Variants in MUC5AC observed in about 807,000 individuals in gnomAD.
The protein encoded by MUC5AC is mucin-5AC.
A neutral mutation model predicts 169.7 loss-of-function variants in MUC5AC; 158 were observed. That is an observed-to-expected ratio of 0.93 (90% CI 0.82 to 1.06). The LOEUF is 1.06. Ranked by LOEUF, MUC5AC falls within the 50% of genes least tolerant of loss-of-function variation. The pLI is 0.00. For missense variants in MUC5AC, 4,359 were observed against 3,089.9 expected (o/e 1.41, Z -9.74); for synonymous variants, 1,975 against 1,237.0 (o/e 1.60, Z -12.52).
chr11:1,197,868 A>G (rs35700114), intron 41 of MUC5AC, 35 bp from the exon 42 acceptor site: 106,345 of 693,336 alleles, frequency 0.15, 9,696 homozygotes, highest in Non-Finnish European at 0.19. Context: ...GGGGCGGGGG[A>G]CAGACTCCTA....
rs1316423456 is a variant in MUC5AC, at chr11:1,200,925, G to C, written c.*223G>C. On this transcript the variant is annotated 3_prime_UTR_variant, in exon 49 of 49. Coordinates refer to ENST00000621226, the MANE Select transcript of MUC5AC (RefSeq NM_001304359.2). ...GCAGCCACCTCTCAGGACCAGCCCC[G>C]GGGCTGGCCGAGCTCCTCTGGCCAT... 1 of 432,726 alleles carries C rather than the reference G, an allele frequency of 2.3e-6. No individual in the cohort carries two copies. The highest frequency in any genetic ancestry group is 3.4e-5 in the East Asian group (1 of 29,148). 26.8% of individuals were successfully genotyped at this position (432,726 alleles called of 1,614,324 possible).
chr11:1,176,161 G>T lies in MUC5AC; in HGVS notation c.2412G>T (p.Ala804=). The change falls in exon 20 of 49, where the codon GCG becomes GCT. Residue 804 remains alanine, a synonymous_variant. Coordinates refer to ENST00000621226, the MANE Select transcript of MUC5AC (RefSeq NM_001304359.2). Reference sequence around the variant, plus strand: ...CCCCTCCCTCCCCAGTGTGTGCTGCGCCCATGGTGTTCTTTGACTGCCGAA... The same window carrying T: ...CCCCTCCCTCCCCAGTGTGTGCTGCTCCCATGGTGTTCTTTGACTGCCGAA... ...GGQAPAPVCA[A]PMVFFDCRNA... The T allele has an allele frequency of 2.5e-6, 1 of 398,684 alleles. No individual in the cohort carries two copies. Among genetic ancestry groups the T allele is most frequent in the Non-Finnish European group, 4.4e-6 (1 of 226,114 alleles). 24.7% of individuals were successfully genotyped at this position (398,684 alleles called of 1,614,324 possible). A position where few individuals can be genotyped will look rare whatever the true frequency, so the allele number is the denominator to read the frequency against.
chr11:1,171,775 C>T (rs1860551503), intron 15 of MUC5AC, among the ~76,000 whole-genome samples: 3 of 139,234 alleles, frequency 2.2e-5, no homozygotes, highest in Non-Finnish European at 4.7e-5. Context: ...CACTCACCCA[C>T]TCACCCATTC....
Position 1,179,113 on chromosome 11 carries a change from G to A in MUC5AC, c.3349G>A (p.Glu1117Lys), listed in dbSNP as rs960610978. 290 of 609,726 alleles carry A rather than the reference G, an allele frequency of 4.8e-4. No homozygotes were observed. The African/African-American group carries it at 5.0e-3, about 10-fold the overall frequency. The allele number at this position is 609,726 out of a possible 1,614,324, so 37.8% of individuals were successfully genotyped here. A position where few individuals can be genotyped will look rare whatever the true frequency, so the allele number is the denominator to read the frequency against. The change falls in exon 26 of 49, where the codon GAG becomes AAG. Residue 1117 changes from glutamate to lysine, a missense_variant. Glu to Lys is a moderately conservative substitution (Grantham distance 56). Transcript: ENST00000621226. ...TCAGGTGGAGCCGGCCAGGTACTACGAGGCCTGCGTGAACGACGCGTGCGC... is the reference window on the plus strand; with the variant it reads ...TCAGGTGGAGCCGGCCAGGTACTACAAGGCCTGCGTGAACGACGCGTGCGC... Reference protein sequence around the residue: ...HAHVEPARYYEACVNDACACD... With the variant: ...HAHVEPARYYKACVNDACACD...
Position 1,185,155 on chromosome 11 carries a change from C to T in MUC5AC, c.7010C>T (p.Thr2337Ile), listed in dbSNP as rs1285588391. Reference sequence around the variant, plus strand: ...ACAACCAGCACAACCTCTGCCCCTACAAGCAGCACAACCTCTGGTCCTGGA... The same window carrying T: ...ACAACCAGCACAACCTCTGCCCCTATAAGCAGCACAACCTCTGGTCCTGGA... ...APTTSTTSAPTSSTTSGPGTT... is the reference protein window; with the variant it reads ...APTTSTTSAPISSTTSGPGTT... The change falls in exon 31 of 49, where the codon ACA (threonine) becomes ATA (isoleucine). Residue 2337 changes from threonine (T) to isoleucine (I), a missense_variant. Transcript: ENST00000621226. 10 of 728,720 alleles carry T rather than the reference C, an allele frequency of 1.4e-5. No individual in the cohort carries two copies. Among genetic ancestry groups the T allele is most frequent in the Non-Finnish European group, 2.3e-5 (9 of 399,578 alleles). 45.1% of individuals were successfully genotyped at this position (728,720 alleles called of 1,614,324 possible).
intron 16 of MUC5AC, 30 bp from the exon 17 acceptor site, chr11:1,174,466 C>T: frequency 7.2e-7 from 1 of 1,382,354 alleles, no homozygotes; most frequent in Non-Finnish European, 9.9e-7. Context: ...GCTGGGGTCT[C>T]TGATGCCCCG....
chr11:1,200,071 G>T, intron 48 of MUC5AC, 102 bp downstream of exon 48: 1 of 622,848 alleles, frequency 1.6e-6, no homozygotes, highest in Non-Finnish European at 2.9e-6. Context: ...AGGACCATGA[G>T]GGGCCAGGCA....
Position 1,190,693 on chromosome 11 carries a change from C to A in MUC5AC, c.12548C>A (p.Thr4183Asn). 1 of 696,206 alleles carries A rather than the reference C, an allele frequency of 1.4e-6. No homozygotes were observed. Among genetic ancestry groups the A allele is most frequent in the South Asian group, 1.5e-5 (1 of 66,398 alleles). 43.1% of individuals were successfully genotyped at this position (696,206 alleles called of 1,614,324 possible). A position where few individuals can be genotyped will look rare whatever the true frequency, so the allele number is the denominator to read the frequency against. ...ACCAGCACAATCTCTGCCTCTACAA[C>A]CAGCACAATCTCTGCCCCTACAACC... ...PTTSTISAST[T>N]STISAPTTST... The change falls in exon 31 of 49, where the codon ACC (threonine) becomes AAC (asparagine). Residue 4183 changes from threonine (T) to asparagine (N), a missense_variant. Transcript: ENST00000621226.
At chr11:1,193,425 C>A (rs1861174676) in intron 32 of MUC5AC, 60 bp from the exon 33 acceptor site, 3 of 670,868 alleles carry the variant, frequency 4.5e-6, no homozygotes, top group Non-Finnish European at 8.2e-6. Flanking sequence ...ACCCCGAGAA[C>A]CAAGGGGTGC....
At chr11:1,158,959 C>T (rs571526607) in intron 1 of MUC5AC, among the ~76,000 whole-genome samples, 89 of 152,364 alleles carry the variant, frequency 5.8e-4, no homozygotes, top group Non-Finnish European at 1.1e-3. Flanking sequence ...CGCCGTCCCT[C>T]GTCTGTACCA....
Position 1,179,152 on chromosome 11 carries a change from G to A in MUC5AC, c.3388G>A (p.Gly1130Ser), listed in dbSNP as rs1366495827. 3 of 678,008 alleles carry A rather than the reference G, an allele frequency of 4.4e-6. No homozygotes were observed. The highest frequency in any genetic ancestry group is 8.1e-6 in the Non-Finnish European group (3 of 371,846). The allele number at this position is 678,008 out of a possible 1,614,324, so 42.0% of individuals were successfully genotyped here. A position where few individuals can be genotyped will look rare whatever the true frequency, so the allele number is the denominator to read the frequency against. Residue 1130 changes from glycine (G) to serine (S), a missense_variant, in exon 26 of 49, where the codon GGT becomes AGT. Physicochemically the swap from Gly to Ser is moderately conservative, Grantham distance 56. Transcript: ENST00000621226. ...VNDACACDSG[G>S]DCECFCTAVA... Reference sequence around the variant, plus strand: ...CGACGCGTGCGCCTGCGACTCCGGGGGTGACTGCGAGTGCTTCTGCACGGC... The same window carrying A: ...CGACGCGTGCGCCTGCGACTCCGGGAGTGACTGCGAGTGCTTCTGCACGGC...
chr11:1,188,682 T>C lies in MUC5AC; in HGVS notation c.10537T>C (p.Ser3513Pro). 1.3e-6 allele frequency: 1 copy of C among 764,900 alleles called. No homozygotes were observed. Among genetic ancestry groups the C allele is most frequent in the East Asian group, 2.4e-5 (1 of 41,248 alleles). The allele number at this position is 764,900 out of a possible 1,614,324, so 47.4% of individuals were successfully genotyped here. Residue 3513 changes from serine (S) to proline (P), a missense_variant, in exon 31 of 49, where the codon TCC becomes CCC. Physicochemically the swap from Ser to Pro is moderately conservative, Grantham distance 74 (BLOSUM62 -1). Coordinates refer to ENST00000621226, the MANE Select transcript of MUC5AC (RefSeq NM_001304359.2). ...SHVSVSKTTH[S>P]QPVTRDCHPR... ...TGTTTCTGTATCCAAGACAACCCAC[T>C]CCCAACCAGTCACCAGAGACTGTCA...
In MUC5AC at chr11:1,187,462, C is replaced by G. The variant is rs1378851469; in HGVS notation, c.9317C>G (p.Thr3106Ser). The G allele has an allele frequency of 4.1e-6, 3 of 732,398 alleles. No homozygotes were observed. Among genetic ancestry groups the G allele is most frequent in the Non-Finnish European group, 7.5e-6 (3 of 401,484 alleles). The allele number at this position is 732,398 out of a possible 1,614,324, so 45.4% of individuals were successfully genotyped here. ...ACCAGCACAACGTCTGCTCCTACAA[C>G]CAGCACAACCTCTGCCTCTACAGCC... ...PTTSTTSAPT[T>S]STTSASTASK... Residue 3106 changes from threonine (T) to serine (S), a missense_variant, in exon 31 of 49, where the codon ACC becomes AGC. Transcript: ENST00000621226.
Position 1,194,190 on chromosome 11 carries a change from G to C in MUC5AC, c.14836G>C (p.Val4946Leu). Residue 4946 changes from valine (V) to leucine (L), a missense_variant, in exon 34 of 49, where the codon GTG (valine) becomes CTG (leucine). Val to Leu is a conservative substitution (Grantham distance 32). Coordinates refer to ENST00000621226, the MANE Select transcript of MUC5AC (RefSeq NM_001304359.2). ...CACCTTCCTGGACAACTGCACGTAC[G>C]TGCTGGTGCAGCAGATTGTGCCCGT... ...YYTFLDNCTY[V>L]LVQQIVPVYG... 1.3e-6 allele frequency: 1 copy of C among 765,080 alleles called. No individual in the cohort carries two copies. 47.4% of individuals were successfully genotyped at this position (765,080 alleles called of 1,614,324 possible). A position where few individuals can be genotyped will look rare whatever the true frequency, so the allele number is the denominator to read the frequency against.
At chr11:1,180,270 G>T (rs1016318465) in intron 27 of MUC5AC, 84 bp from the exon 28 acceptor site, 1 of 398,648 alleles carries the variant, frequency 2.5e-6, no homozygotes, top group Non-Finnish European at 4.4e-6. Flanking sequence ...GGCGAGGCCC[G>T]CTGCTTGGGG....
Position 1,182,382 on chromosome 11 carries a change from C to T in MUC5AC, c.4237C>T (p.Leu1413Phe), listed in dbSNP as rs1471481420. Residue 1413 changes from leucine to phenylalanine, a missense_variant, in exon 31 of 49, where the codon CTC becomes TTC. Physicochemically the swap from Leu to Phe is conservative, Grantham distance 22. Transcript: ENST00000621226. ...CGGTGACTTCGACACACTGGAGAAC[C>T]TCCGCGCCCATGGGTACCGGGTGTG... Reference protein sequence around the residue: ...DSGDFDTLENLRAHGYRVCES... With the variant: ...DSGDFDTLENFRAHGYRVCES... 2.5e-6 allele frequency: 1 copy of T among 398,482 alleles called. No homozygotes were observed. The highest frequency in any genetic ancestry group is 4.4e-6 in the Non-Finnish European group (1 of 226,028). The allele number at this position is 398,482 out of a possible 1,614,324, so 24.7% of individuals were successfully genotyped here.
Position 1,178,495 on chromosome 11 carries a change from T to C in MUC5AC, c.3139T>C (p.Phe1047Leu). The C allele has an allele frequency of 9.1e-7, 1 of 1,099,582 alleles. No individual in the cohort carries two copies. Among genetic ancestry groups the C allele is most frequent in the South Asian group, 2.6e-5 (1 of 38,736 alleles). The allele number at this position is 1,099,582 out of a possible 1,614,324, so 68.1% of individuals were successfully genotyped here. The change falls in exon 25 of 49, where the codon TTT (phenylalanine) becomes CTT (leucine). Residue 1047 changes from phenylalanine (F) to leucine (L), a missense_variant. By Grantham distance (22) the Phe-to-Leu change is conservative. Coordinates refer to ENST00000621226, the MANE Select transcript of MUC5AC (RefSeq NM_001304359.2). ...CTTCGACGACATCGCCGTTAATGACTTTGCCACGCGGAGCCGGTCTGTGGT... is the reference window on the plus strand; with the variant it reads ...CTTCGACGACATCGCCGTTAATGACCTTGCCACGCGGAGCCGGTCTGTGGT... ...GNFDDIAVND[F>L]ATRSRSVVGD...
intron 24 of MUC5AC, among the ~76,000 whole-genome samples, chr11:1,178,222 C>T (rs890097100): frequency 6.6e-6 from 1 of 152,228 alleles, no homozygotes; most frequent in Non-Finnish European, 1.5e-5. Context: ...TTGCCTCTGG[C>T]TCCGGCCCTC....
In MUC5AC at chr11:1,187,591, C is replaced by T. The variant is rs1187087006; in HGVS notation, c.9446C>T (p.Thr3149Ile). ...STTSASTASK[T>I]SGPGTTPSPV... ...ACTTCTGCCTCTACAGCCAGCAAAA[C>T]CTCTGGTCCTGGAACCACTCCCAGC... The change falls in exon 31 of 49, where the codon ACC becomes ATC. Residue 3149 changes from threonine (T) to isoleucine (I), a missense_variant. By Grantham distance (89) the Thr-to-Ile change is moderately conservative. Coordinates refer to ENST00000621226, the MANE Select transcript of MUC5AC (RefSeq NM_001304359.2). 5 of 759,824 alleles carry T rather than the reference C, an allele frequency of 6.6e-6. No individual in the cohort carries two copies. The highest frequency in any genetic ancestry group is 9.6e-6 in the Non-Finnish European group (4 of 415,308). The allele number at this position is 759,824 out of a possible 1,614,324, so 47.1% of individuals were successfully genotyped here. A position where few individuals can be genotyped will look rare whatever the true frequency, so the allele number is the denominator to read the frequency against.
Sources: allele counts gnomAD v4.1 joint callset (sites outside exome capture counted in the v4.1 genomes callset), GRCh38; gene constraint gnomAD v4.1.1; transcripts MANE v1.5; gene names NCBI Gene and HGNC (gene_info 2026-07-23, HGNC 2026-07-21).